KCNMA1: variants seen among roughly 807,000 people sequenced by gnomAD.
KCNMA1 encodes the protein potassium calcium-activated channel subfamily M alpha 1.
Under a neutral mutation model 140.0 loss-of-function variants are expected in KCNMA1, and 29 were observed. The ratio of observed to expected loss-of-function variants is 0.21; its 90% CI spans 0.15 to 0.28. KCNMA1 has a LOEUF of 0.28. Among genes scored for constraint, KCNMA1 ranks in the 10% least tolerant of loss-of-function variants. The pLI, the probability that KCNMA1 is intolerant of heterozygous loss-of-function variation, is 1.00. For missense variants in KCNMA1, 880 were observed against 1,602.2 expected, an observed-to-expected ratio of 0.55 and a Z score of 7.70; for synonymous variants, 612 against 611.9, an observed-to-expected ratio of 1.00 and a Z score of 0.00.
At chr10:77,258,208 A>C (rs1192312441) in intron 2 of KCNMA1, among the ~76,000 whole-genome samples, 1 of 152,224 alleles carries the variant, frequency 6.6e-6, no homozygotes, top group Non-Finnish European at 1.5e-5. Context: ...TGCTAACTGT[A>C]AACCATGTAT....
Position 76,941,029 on chromosome 10 carries a change from G to GAAAGAAAGAAAGAAAGAAAGAAAGAA in KCNMA1, c.2902+3743_2902+3744insTTCTTTCTTTCTTTCTTTCTTTCTTT, listed in dbSNP as rs1180602375. Among the ~76,000 whole-genome samples the GAAAGAAAGAAAGAAAGAAAGAAAGAA allele has an allele frequency of 1.3e-4, 8 of 63,636 alleles. 1 individual carries two copies. Among genetic ancestry groups the GAAAGAAAGAAAGAAAGAAAGAAAGAA allele is most frequent in the Non-Finnish European group, 1.6e-4 (5 of 31,266 alleles). The allele number at this position is 63,636 out of a possible 152,430, so 41.7% of individuals were successfully genotyped here. ...AGGAAGGAAGGAAGGAAGAAAGAAAGAAAGAAAGAAAGAAAGAAAGAAAGA... is the reference window on the plus strand; with the variant it reads ...AGGAAGGAAGGAAGGAAGAAAGAAAGAAAGAAAGAAAGAAAGAAAGAAAGAAAAAGAAAGAAAGAAAGAAAGAAAGA... On this transcript the variant is annotated intron_variant, in intron 23 of 27. Transcript: ENST00000286628.
In KCNMA1 at chr10:77,084,625, C is replaced by T; in HGVS notation, c.1523+12G>A. 5.0e-6 allele frequency: 8 copies of T among 1,611,846 alleles called. No individual in the cohort carries two copies. Among genetic ancestry groups the T allele is most frequent in the Non-Finnish European group, 6.8e-6 (8 of 1,177,918 alleles). ...CCAAGCCCAGGGCCTTCCGCAGCGC[C>T]CCAAGAGTTACCTCATGATATTCGA... On this transcript the variant is annotated intron_variant, in intron 12 of 27. Coordinates refer to ENST00000286628, the MANE Select transcript of KCNMA1 (RefSeq NM_001161352.2).
At chr10:77,331,214 A>G (rs1047603360) in intron 2 of KCNMA1, among the ~76,000 whole-genome samples, 2 of 152,156 alleles carry the variant, frequency 1.3e-5, no homozygotes, top group Non-Finnish European at 2.9e-5. Context: ...CCCAGCTGGC[A>G]TACTCTCAGG....
chr10:77,575,567 C>T (rs2073773041), intron 1 of KCNMA1, among the ~76,000 whole-genome samples: 1 of 152,186 alleles, frequency 6.6e-6, no homozygotes, highest in African/African-American at 2.4e-5. Context: ...AAGGCACCTT[C>T]CCATCACTGG....
intron 23 of KCNMA1, among the ~76,000 whole-genome samples, chr10:76,938,924 A>C (rs2061265891): frequency 3.3e-5 from 5 of 151,996 alleles, no homozygotes; most frequent in Admixed American, 3.3e-4. Flanking sequence ...GACTCCCCCA[A>C]ATCCAAACCC....
intron 2 of KCNMA1, among the ~76,000 whole-genome samples, chr10:77,362,359 C>A (rs1217942895): frequency 2.3e-5 from 2 of 86,002 alleles, no homozygotes; most frequent in East Asian, 3.7e-4. Context: ...CCCCACCCCC[C>A]CCACCCCACA....
At position 77,369,112 on chromosome 10, in the gene KCNMA1, A is replaced by G. The variant is rs117298190; in HGVS notation, c.540+34750T>C. On this transcript the variant is annotated intron_variant, in intron 2 of 27. Transcript: ENST00000286628. ...TTAGATTTTGGTTGGAGTTACATTA[A>G]ATCTGTAGAGAAATCTGGGGGTGAG... Among the ~76,000 whole-genome samples the G allele has an allele frequency of 4.8e-4, 73 of 152,290 alleles. 1 individual carries two copies. In the East Asian group the frequency reaches 7.9e-3, roughly 16 times the overall value.
intron 1 of KCNMA1, among the ~76,000 whole-genome samples, chr10:77,570,803 T>A (rs889225072): frequency 5.3e-5 from 8 of 151,982 alleles, no homozygotes; most frequent in Non-Finnish European, 7.4e-5. Flanking sequence ...TGGTGGCACA[T>A]GCCTATGGTA....
At chr10:77,391,480 C>T (rs1198137382) in intron 2 of KCNMA1, among the ~76,000 whole-genome samples, 3 of 152,162 alleles carry the variant, frequency 2.0e-5, no homozygotes, top group African/African-American at 7.2e-5. Flanking sequence ...GCCCTGATTC[C>T]TTAAGAAAGC....
At chr10:77,069,018 G>A (rs982610575) in intron 14 of KCNMA1, among the ~76,000 whole-genome samples, 7 of 151,976 alleles carry the variant, frequency 4.6e-5, no homozygotes, top group African/African-American at 1.7e-4. Flanking sequence ...AGTATGCATA[G>A]TAAGACTCAA....
rs546080009 is a variant in KCNMA1, at chr10:77,329,926, C to T, written c.540+73936G>A. 2.4e-4 allele frequency among the ~76,000 whole-genome samples: 37 copies of T among 152,132 alleles called. No individual in the cohort carries two copies. In the South Asian group the frequency reaches 5.8e-3, roughly 24 times the overall value. ...TAAAAATTAAATGAGATAATGCACC[C>T]GAATAGCTTAAAAAGTGCTTGCCAC... is the stretch of plus-strand genomic sequence containing the variant. On this transcript the variant is annotated intron_variant, in intron 2 of 27. Coordinates refer to ENST00000286628, the MANE Select transcript of KCNMA1 (RefSeq NM_001161352.2).
At chr10:77,633,040 GACGCCGTGCCTC>G (rs2154571406) in intron 1 of KCNMA1, among the ~76,000 whole-genome samples, 1 of 152,346 alleles carries the variant, frequency 6.6e-6, no homozygotes, top group Admixed American at 6.5e-5. Flanking sequence ...CCAGGGGCTG[GACGCCGTGCCTC>G]ACGCCTGTAA....
At chr10:77,524,072 C>T (rs192444482) in intron 1 of KCNMA1, among the ~76,000 whole-genome samples, 12 of 152,262 alleles carry the variant, frequency 7.9e-5, no homozygotes, top group Middle Eastern at 3.4e-3. Context: ...AATCTACACA[C>T]CTACTATGTA....
chr10:77,262,465 T>C (rs1266791275), intron 2 of KCNMA1, among the ~76,000 whole-genome samples: 2 of 152,110 alleles, frequency 1.3e-5, no homozygotes, highest in African/African-American at 2.4e-5. Context: ...TTTTGTAAGA[T>C]GAAAACAGTT....
intron 9 of KCNMA1, among the ~76,000 whole-genome samples, chr10:77,093,415 A>G (rs1346107818): frequency 6.6e-6 from 1 of 152,206 alleles, no homozygotes; most frequent in Non-Finnish European, 1.5e-5. Flanking sequence ...TTTTGTGCCA[A>G]TAATCATTTC....
intron 1 of KCNMA1, among the ~76,000 whole-genome samples, chr10:77,442,772 C>T (rs936197944): frequency 6.6e-6 from 1 of 152,136 alleles, no homozygotes; most frequent in African/African-American, 2.4e-5. Flanking sequence ...GGTTTCTCCA[C>T]GCTCCCCTCC....
chr10:77,119,197 G>A (rs934590969), intron 6 of KCNMA1, among the ~76,000 whole-genome samples: 5 of 152,162 alleles, frequency 3.3e-5, no homozygotes, highest in Admixed American at 6.5e-5. Context: ...GCCACTTCCC[G>A]CATCCAAAGG....
chr10:77,068,815 A>T lies in KCNMA1; in HGVS notation c.1749+4282T>A, dbSNP rs549019153. Among the ~76,000 whole-genome samples, 3 of 141,786 alleles carry T rather than the reference A, an allele frequency of 2.1e-5. No homozygotes were observed. The Admixed American group carries it at 2.2e-4, about 10-fold the overall frequency. The allele number at this position is 141,786 out of a possible 152,430, so 93.0% of individuals were successfully genotyped here. On this transcript the variant is annotated intron_variant, in intron 14 of 27. Transcript: ENST00000286628. ...TGTGCTACATTGGAAGTCCCAATGT[A>T]CATTGAAAAACAATTTTAAGAGTTA...
intron 2 of KCNMA1, among the ~76,000 whole-genome samples, chr10:77,378,133 C>T (rs1159051237): frequency 6.6e-6 from 1 of 152,172 alleles, no homozygotes; most frequent in Non-Finnish European, 1.5e-5. Context: ...TGCTCATTCA[C>T]CTGAAGCAGC....
Sources: allele counts gnomAD v4.1 joint callset (sites outside exome capture counted in the v4.1 genomes callset), GRCh38; gene constraint gnomAD v4.1.1; transcripts MANE v1.5; gene names NCBI Gene and HGNC (gene_info 2026-07-23, HGNC 2026-07-21).